Variants in PLXDC2 observed in about 807,000 individuals in gnomAD.
PLXDC2 encodes the protein plexin domain containing 2.
Under a neutral mutation model 68.9 loss-of-function variants are expected in PLXDC2, and 40 were observed. The observed-to-expected ratio is 0.58, with a 90% CI of 0.45 to 0.76. The LOEUF is 0.76. PLXDC2 is among the 30% of genes least tolerant of loss of function. The probability of loss-of-function intolerance (pLI) is 0.00; values close to 1 mark genes in which losing one functional copy is unlikely to be tolerated. For synonymous variants in PLXDC2, 243 were observed against 234.2 expected (o/e 1.04, Z -0.34); for missense variants, 644 against 661.9 (o/e 0.97, Z 0.30).
intron 4 of PLXDC2, among the ~76,000 whole-genome samples, chr10:20,076,744 G>A (rs1473337463): frequency 1.3e-5 from 2 of 152,078 alleles, no homozygotes; most frequent in Non-Finnish European, 2.9e-5. Flanking sequence ...CCTATTAAAG[G>A]CTGGCTCAAC....
At chr10:20,191,298 C>T (rs1834760937) in intron 9 of PLXDC2, among the ~76,000 whole-genome samples, 1 of 151,648 alleles carries the variant, frequency 6.6e-6, no homozygotes. Flanking sequence ...TCCTAGAAAG[C>T]CACTTTTACT....
intron 9 of PLXDC2, among the ~76,000 whole-genome samples, chr10:20,199,719 G>T (rs539134890): frequency 1.2e-4 from 18 of 151,902 alleles, no homozygotes; most frequent in African/African-American, 2.4e-4. Context: ...TATTCGATCA[G>T]ATTCACAATA....
rs61430454 is a variant in PLXDC2 at position 19,852,425 on chromosome 10, C to CA, written c.112+35274dup. ...TGGGTGACAGAGCAAGACCCTGTCT[C>CA]AAAAAAAAAAAAAAAAAAAAAAAAA... On this transcript the variant is annotated intron_variant, in intron 1 of 13. Coordinates refer to ENST00000377252, the MANE Select transcript of PLXDC2 (RefSeq NM_032812.9). Among the ~76,000 whole-genome samples the CA allele has an allele frequency of 5.7e-3, 351 of 61,924 alleles. 43 individuals carry two copies. The highest frequency in any genetic ancestry group is 7.2e-3 in the Non-Finnish European group (248 of 34,608). 40.6% of individuals were successfully genotyped at this position (61,924 alleles called of 152,430 possible).
intron 4 of PLXDC2, among the ~76,000 whole-genome samples, chr10:20,128,455 C>T (rs986292130): frequency 2.6e-5 from 4 of 152,022 alleles, no homozygotes; most frequent in East Asian, 1.9e-4. Flanking sequence ...AAACAATTAC[C>T]GCTATAAGCT....
At chr10:20,095,973 T>C (rs1365328130) in intron 4 of PLXDC2, among the ~76,000 whole-genome samples, 1 of 152,234 alleles carries the variant, frequency 6.6e-6, no homozygotes, top group East Asian at 1.9e-4. Context: ...ACAATGTTAA[T>C]GTTCATTGAA....
chr10:20,109,068 T>A (rs1328981370), intron 4 of PLXDC2, among the ~76,000 whole-genome samples: 2 of 152,198 alleles, frequency 1.3e-5, no homozygotes, highest in Non-Finnish European at 2.9e-5. Context: ...CTTAGTAAAA[T>A]AAGTGAGAGG....
At chr10:20,148,550 T>G (rs1483513942) in intron 6 of PLXDC2, among the ~76,000 whole-genome samples, 1 of 152,142 alleles carries the variant, frequency 6.6e-6, no homozygotes, top group Non-Finnish European at 1.5e-5. Flanking sequence ...TACAGAATAT[T>G]TAGACTAGAA....
chr10:20,049,055 C>T (rs1211269944), intron 3 of PLXDC2, among the ~76,000 whole-genome samples: 1 of 152,058 alleles, frequency 6.6e-6, no homozygotes, highest in Non-Finnish European at 1.5e-5. Context: ...GATACCCTGC[C>T]ATTGTCATAG....
chr10:19,919,780 G>A (rs1023568507), intron 1 of PLXDC2, among the ~76,000 whole-genome samples: 57 of 152,206 alleles, frequency 3.7e-4, no homozygotes, highest in Admixed American at 8.5e-4. Flanking sequence ...ACTCTATCTA[G>A]ACGATTCCAT....
intron 1 of PLXDC2, among the ~76,000 whole-genome samples, chr10:19,886,524 C>G (rs924104110): frequency 6.6e-6 from 1 of 152,090 alleles, no homozygotes; most frequent in African/African-American, 2.4e-5. Flanking sequence ...AAGACAAAAA[C>G]CACATGATTT....
rs140694345 is a variant in PLXDC2, at chr10:19,829,489, C to A, written c.112+12298C>A. ...AGTTACAATTTCTGTAATGTGATGT[C>A]CTGGGTTAAAGTATCAACGACAGGC... On this transcript the variant is annotated intron_variant, in intron 1 of 13. Transcript: ENST00000377252. Among the ~76,000 whole-genome samples the A allele has an allele frequency of 2.4e-4, 37 of 152,188 alleles. No homozygotes were observed. The East Asian group carries it at 7.0e-3, about 29-fold the overall frequency.
intron 3 of PLXDC2, among the ~76,000 whole-genome samples, chr10:20,058,133 C>T (rs1836032284): frequency 6.6e-6 from 1 of 152,082 alleles, no homozygotes; most frequent in African/African-American, 2.4e-5. Context: ...CCACTGAATT[C>T]CAAATATTTT....
At chr10:19,999,631 G>A (rs11011728) in intron 1 of PLXDC2, among the ~76,000 whole-genome samples, 50,720 of 151,992 alleles carry the variant, frequency 0.33, 10,162 homozygotes, top group Non-Finnish European at 0.46. Flanking sequence ...GGTGTAACTT[G>A]CTAAGAGCTA....
intron 1 of PLXDC2, among the ~76,000 whole-genome samples, chr10:19,822,600 A>C (rs985795297): frequency 1.3e-5 from 2 of 152,082 alleles, no homozygotes; most frequent in African/African-American, 4.8e-5. Flanking sequence ...ACAGTGTATA[A>C]GGGTTGCCTT....
chr10:19,857,673 A>G (rs542881288), intron 1 of PLXDC2, among the ~76,000 whole-genome samples: 26 of 152,228 alleles, frequency 1.7e-4, no homozygotes, highest in Admixed American at 3.3e-4. Flanking sequence ...ATCATGGCGC[A>G]GAGTTCAAAT....
intron 2 of PLXDC2, among the ~76,000 whole-genome samples, chr10:20,014,167 TCTTC>T (rs1339725999): frequency 1.3e-5 from 2 of 150,394 alleles, no homozygotes; most frequent in Non-Finnish European, 1.5e-5. Context: ...CATTCAGAAG[TCTTC>T]CTTCCTTCCC....
intron 9 of PLXDC2, among the ~76,000 whole-genome samples, 182 bp from the exon 10 acceptor site, chr10:20,211,487 T>G (rs1835068724): frequency 1.3e-5 from 2 of 152,186 alleles, no homozygotes; most frequent in African/African-American, 4.8e-5. Context: ...AATGAGTGAT[T>G]ATTTAGCAAC....
At chr10:19,991,812 A>G (rs1490873856) in intron 1 of PLXDC2, among the ~76,000 whole-genome samples, 3 of 152,316 alleles carry the variant, frequency 2.0e-5, no homozygotes, top group East Asian at 3.9e-4. Flanking sequence ...ACTGGGTACC[A>G]TTAAAAGAAT....
chr10:19,831,948 T>G (rs1836701201), intron 1 of PLXDC2, among the ~76,000 whole-genome samples: 1 of 152,206 alleles, frequency 6.6e-6, no homozygotes, highest in Non-Finnish European at 1.5e-5. Context: ...ATCCCTTTAC[T>G]GCATATACAC....
Sources: allele counts gnomAD v4.1 joint callset (sites outside exome capture counted in the v4.1 genomes callset), GRCh38; gene constraint gnomAD v4.1.1; transcripts MANE v1.5; gene names NCBI Gene and HGNC (gene_info 2026-07-23, HGNC 2026-07-21).